PXN: variants seen among roughly 807,000 people sequenced by gnomAD.
The protein encoded by PXN is paxillin, also known as testicular tissue protein Li 134.
Under a neutral mutation model 103.6 loss-of-function variants are expected in PXN, and 61 were observed. That is an observed-to-expected ratio of 0.59 (90% CI 0.48 to 0.73). PXN has a LOEUF of 0.73. PXN is among the 30% of genes least tolerant of loss of function. PXN has a pLI of 0.00. For synonymous variants in PXN, 562 were observed against 607.8 expected (o/e 0.92, Z 1.11); for missense variants, 1,274 against 1,460.3 (o/e 0.87, Z 2.08).
At chr12:120,226,200 C>T in intron 1 of PXN, 1 of 1,232,848 alleles carries the variant, frequency 8.1e-7, no homozygotes, top group South Asian at 1.4e-5. Flanking sequence ...TGGGCCCAAT[C>T]AGCAATGGGT....
At position 120,215,814 on chromosome 12, in the gene PXN, A is replaced by T. The variant is rs1423978277; in HGVS notation, c.2302-153T>A. The T allele has an allele frequency of 5.5e-6, 7 of 1,283,988 alleles. No individual in the cohort carries two copies. Among genetic ancestry groups the T allele is most frequent in the African/African-American group, 1.5e-5 (1 of 65,566 alleles). The allele number at this position is 1,283,988 out of a possible 1,614,324, so 79.5% of individuals were successfully genotyped here. A position where few individuals can be genotyped will look rare whatever the true frequency, so the allele number is the denominator to read the frequency against. On this transcript the variant is annotated intron_variant, in intron 9 of 14. Transcript: ENST00000637617. This position sits in a 1 kb window ranked among gnomAD's most constrained non-coding sequence, Gnocchi z 4.9. ...CAAAATTGGGGGAAAAAATCTGGAG[A>T]AAAAGAGCCCTGAGAGAGAGGCCTA... is the stretch of plus-strand genomic sequence containing the variant.
At chr12:120,249,986 C>A (rs773136666) in intron 1 of PXN, 48 of 985,386 alleles carry the variant, frequency 4.9e-5, no homozygotes, top group Non-Finnish European at 5.8e-5. Context: ...TGTGACCAGG[C>A]AGGCTCAGGA....
chr12:120,235,308 C>A (rs1888824740), intron 1 of PXN, among the ~76,000 whole-genome samples: 1 of 152,166 alleles, frequency 6.6e-6, no homozygotes, highest in Admixed American at 6.5e-5. Context: ...AAAGACGGGG[C>A]TGCGAGGCTA....
chr12:120,259,074 C>T (rs1489738658), intron 1 of PXN, among the ~76,000 whole-genome samples: 1 of 141,452 alleles, frequency 7.1e-6, no homozygotes, highest in Non-Finnish European at 1.5e-5. Context: ...TGCCTCAAAA[C>T]AAACAAACAA....
intron 1 of PXN, among the ~76,000 whole-genome samples, chr12:120,239,457 C>A (rs1889758950): frequency 6.6e-6 from 1 of 152,248 alleles, no homozygotes; most frequent in Non-Finnish European, 1.5e-5. Context: ...TGGCGCATGC[C>A]TGTAGTCCCA....
chr12:120,261,492 ATT>A (rs1893876770), intron 1 of PXN, among the ~76,000 whole-genome samples: 1 of 152,070 alleles, frequency 6.6e-6, no homozygotes, highest in South Asian at 2.1e-4. Flanking sequence ...TGCCCGGCAG[ATT>A]TTGTTATTAT....
rs188602942 is a variant in PXN at position 120,229,970 on chromosome 12, G to A, written c.14-5593C>T. On this transcript the variant is annotated intron_variant, in intron 1 of 14. Transcript: ENST00000637617. This position sits in a 1 kb window ranked among gnomAD's most constrained non-coding sequence, Gnocchi z 4.0. ...GCAGCCCCAGGCAGAACTAGAAGAG[G>A]TATAGTCCTGTGGCCCTCAGGCAGC... Among the ~76,000 whole-genome samples, 264 of 152,252 alleles carry A rather than the reference G, an allele frequency of 1.7e-3. No individual in the cohort carries two copies. The highest frequency in any genetic ancestry group is 3.2e-3 in the Non-Finnish European group (215 of 68,016).
chr12:120,216,625 A>G lies in PXN; in HGVS notation c.1993-44T>C. 6.6e-7 allele frequency: 1 copy of G among 1,521,804 alleles called. No homozygotes were observed. Among genetic ancestry groups the G allele is most frequent in the Non-Finnish European group, 8.7e-7 (1 of 1,151,562 alleles). The allele number at this position is 1,521,804 out of a possible 1,614,324, so 94.3% of individuals were successfully genotyped here. On this transcript the variant is annotated intron_variant, in intron 8 of 14. Coordinates refer to ENST00000637617, the MANE Select transcript of PXN (RefSeq NM_001385981.1). The surrounding 1 kb of genome is among the most constrained non-coding windows in gnomAD (Gnocchi z 5.1). ...GGAGAGCGATGAGGAAGAAATCGCC[A>G]GCTCAGCCCACAGGGGTGGCGGGAC... is the stretch of plus-strand genomic sequence containing the variant.
rs2136223291 is a variant in PXN at position 120,217,232 on chromosome 12, C to A, written c.1717-116G>T. 2.2e-6 allele frequency: 2 copies of A among 915,138 alleles called. No individual in the cohort carries two copies. The highest frequency in any genetic ancestry group is 2.4e-5 in the Admixed American group (1 of 41,466). 56.7% of individuals were successfully genotyped at this position (915,138 alleles called of 1,614,324 possible). A position where few individuals can be genotyped will look rare whatever the true frequency, so the allele number is the denominator to read the frequency against. On this transcript the variant is annotated intron_variant, in intron 7 of 14. Coordinates refer to ENST00000637617, the MANE Select transcript of PXN (RefSeq NM_001385981.1). This position sits in a 1 kb window ranked among gnomAD's most constrained non-coding sequence, Gnocchi z 4.1. ...GCACAAAAGAAAACCACCAAAGAACCAAGCGGAGGTGGGTGGAGGCACGGG... is the reference window on the plus strand; with the variant it reads ...GCACAAAAGAAAACCACCAAAGAACAAAGCGGAGGTGGGTGGAGGCACGGG...
At chr12:120,232,096 A>T (rs1437044567) in intron 1 of PXN, among the ~76,000 whole-genome samples, 1 of 152,194 alleles carries the variant, frequency 6.6e-6, no homozygotes, top group Non-Finnish European at 1.5e-5. Flanking sequence ...ATCACAGCTC[A>T]TTGCAGCCTA....
At chr12:120,243,389 A>G (rs1005557897) in intron 1 of PXN, among the ~76,000 whole-genome samples, 1 of 152,164 alleles carries the variant, frequency 6.6e-6, no homozygotes. Flanking sequence ...TTGAGGTTCT[A>G]TTTAAACACA....
chr12:120,215,644 TTG>T lies in PXN; in HGVS notation c.2317_2318del (p.Gln773LysfsTer61), dbSNP rs770626626. 6.0e-4 allele frequency: 973 copies of T among 1,611,156 alleles called. 7 individuals are homozygous for T. The highest frequency in any genetic ancestry group is 3.4e-4 in the Admixed American group (20 of 59,468). Reference sequence around the variant, plus strand: ...CCCAGCACCGCTCCCCATCCGCTCTTTGCTCCAGGCCCTGGATCTTAGATAGG... The same window carrying T: ...CCCAGCACCGCTCCCCATCCGCTCTTCTCCAGGCCCTGGATCTTAGATAGG... ...FPPMQIQGLE[Q>X]RADGERCWAA... On this transcript the variant is annotated frameshift_variant, in exon 10 of 15. Transcript: ENST00000637617. LOFTEE classifies it high-confidence loss of function. This position sits in a 1 kb window ranked among gnomAD's most constrained non-coding sequence, Gnocchi z 4.9.
chr12:120,219,885 G>C lies in PXN; in HGVS notation c.1038C>G (p.Pro346=), dbSNP rs1247970201. The C allele has an allele frequency of 6.3e-7, 1 of 1,598,470 alleles. No individual in the cohort carries two copies. Among genetic ancestry groups the C allele is most frequent in the Admixed American group, 1.7e-5 (1 of 60,026 alleles). ...SGRGLLPPVA[P]SWLDLAGLGV... is the part of the protein sequence containing the mutation. ...CAAGACCAGCCAAATCAAGCCAGCT[G>C]GGGGCTACAGGAGGTAGAAGGCCTC... Residue 346 remains proline (P), a synonymous_variant, in exon 7 of 15, where the codon CCC becomes CCG. Coordinates refer to ENST00000637617, the MANE Select transcript of PXN (RefSeq NM_001385981.1). The surrounding 1 kb of genome is among the most constrained non-coding windows in gnomAD (Gnocchi z 6.5).
chr12:120,257,979 G>A (rs1427893225), intron 1 of PXN, among the ~76,000 whole-genome samples: 1 of 152,098 alleles, frequency 6.6e-6, no homozygotes, highest in Non-Finnish European at 1.5e-5. Flanking sequence ...GATCACCTGA[G>A]GTCAGGAGTT....
intron 1 of PXN, among the ~76,000 whole-genome samples, chr12:120,244,621 C>G (rs1385210900): frequency 8.7e-5 from 13 of 149,260 alleles, no homozygotes; most frequent in African/African-American, 3.2e-4. Flanking sequence ...GCACTCCAGC[C>G]TGGATGACAG....
intron 1 of PXN, among the ~76,000 whole-genome samples, chr12:120,264,934 G>A (rs1307722692): frequency 1.3e-5 from 2 of 152,260 alleles, no homozygotes; most frequent in East Asian, 1.9e-4. Context: ...ATGGGTCCTT[G>A]AAACGGGGTG....
intron 1 of PXN, among the ~76,000 whole-genome samples, chr12:120,255,715 A>T (rs755954094): frequency 1.4e-4 from 22 of 151,756 alleles, no homozygotes; most frequent in Non-Finnish European, 2.6e-4. Context: ...TAATAAATTT[A>T]AAAATAAATA....
rs142949989 is a variant in PXN, at chr12:120,214,717, C to T, written c.2748+108G>A. The T allele has an allele frequency of 4.5e-4, 632 of 1,412,600 alleles. 4 individuals are homozygous for T. The African/African-American group carries it at 7.5e-3, about 17-fold the overall frequency. The allele number at this position is 1,412,600 out of a possible 1,614,324, so 87.5% of individuals were successfully genotyped here. On this transcript the variant is annotated intron_variant, in intron 12 of 14. Transcript: ENST00000637617. The surrounding 1 kb of genome is among the most constrained non-coding windows in gnomAD (Gnocchi z 5.0). ...CACTGTTCCCTAGCCCTGTGAGCCTCGGGCATGTGACCTCTCTGAGCCTCC... is the reference window on the plus strand; with the variant it reads ...CACTGTTCCCTAGCCCTGTGAGCCTTGGGCATGTGACCTCTCTGAGCCTCC...
chr12:120,261,220 G>A (rs1415904083), intron 1 of PXN, among the ~76,000 whole-genome samples: 2 of 152,104 alleles, frequency 1.3e-5, no homozygotes, highest in African/African-American at 2.4e-5. Flanking sequence ...CTGTAAAAAA[G>A]AAAAGTACCC....
Sources: gnomAD v4.1 joint callset for allele counts (sites outside exome capture counted in the v4.1 genomes callset) on GRCh38, gnomAD v4.1.1 for gene constraint, Gnocchi (gnomAD v3.1) non-coding constraint, MANE v1.5 for transcripts, NCBI Gene and HGNC (gene_info 2026-07-23, HGNC 2026-07-21) for gene names.